HTR1F: variants seen among roughly 807,000 people sequenced by gnomAD.
The protein encoded by HTR1F is 5-hydroxytryptamine (serotonin) receptor 1F, G protein-coupled.
HTR1F carries 17 observed loss-of-function variants against 24.0 expected under a neutral mutation model. The observed-to-expected ratio is 0.71, with a 90% CI of 0.48 to 1.06. HTR1F has a LOEUF of 1.06. Ranked by LOEUF, HTR1F falls within the 50% of genes least tolerant of loss-of-function variation. The pLI is 0.00. For missense variants in HTR1F, 391 were observed against 427.8 expected (o/e 0.91, Z 0.76); for synonymous variants, 186 against 156.8 (o/e 1.19, Z -1.39).
At chr3:87,813,625 G>A (rs1477393604) in intron 1 of HTR1F, among the ~76,000 whole-genome samples, 3 of 152,114 alleles carry the variant, frequency 2.0e-5, no homozygotes, top group Non-Finnish European at 4.4e-5. Context: ...ATATTGTTTG[G>A]CTCTGTGTCC....
At chr3:87,876,736 G>A (rs1333327398) in intron 2 of HTR1F, among the ~76,000 whole-genome samples, 1 of 152,076 alleles carries the variant, frequency 6.6e-6, no homozygotes, top group Non-Finnish European at 1.5e-5. Context: ...AGTTTTTCAA[G>A]GTGAAAATTG....
intron 2 of HTR1F, among the ~76,000 whole-genome samples, chr3:87,851,374 C>A (rs1281372267): frequency 6.6e-6 from 1 of 151,418 alleles, no homozygotes; most frequent in Non-Finnish European, 1.5e-5. Context: ...ATTTTTTTAA[C>A]TACTATTTTT....
chr3:87,922,657 T>C (rs938686969), intron 2 of HTR1F, among the ~76,000 whole-genome samples: 1 of 152,084 alleles, frequency 6.6e-6, no homozygotes, highest in Non-Finnish European at 1.5e-5. Flanking sequence ...CAGTTTTGGG[T>C]CTTACATGTA....
At chr3:87,870,859 G>C (rs562982457) in intron 2 of HTR1F, among the ~76,000 whole-genome samples, 8 of 152,090 alleles carry the variant, frequency 5.3e-5, no homozygotes, top group African/African-American at 1.9e-4. Flanking sequence ...CAGAGAAAAT[G>C]CATGCCCCCA....
chr3:87,969,234 G>C (rs1705234337), intron 2 of HTR1F, among the ~76,000 whole-genome samples: 1 of 152,204 alleles, frequency 6.6e-6, no homozygotes, highest in Admixed American at 6.5e-5. Flanking sequence ...TGTGAAAAGA[G>C]CACCGCTATC....
intron 2 of HTR1F, among the ~76,000 whole-genome samples, chr3:87,870,086 G>A (rs1418907979): frequency 6.6e-6 from 1 of 152,024 alleles, no homozygotes; most frequent in Non-Finnish European, 1.5e-5. Context: ...TATTCTTAAA[G>A]GGGAAGGAAT....
chr3:87,945,179 C>G (rs1704668022), intron 2 of HTR1F, among the ~76,000 whole-genome samples: 1 of 151,880 alleles, frequency 6.6e-6, no homozygotes, highest in South Asian at 2.1e-4. Context: ...AGACTTGGGG[C>G]CCTGGCAAGG....
intron 2 of HTR1F, among the ~76,000 whole-genome samples, chr3:87,889,619 G>C (rs947979229): frequency 1.3e-5 from 2 of 152,090 alleles, no homozygotes; most frequent in African/African-American, 2.4e-5. Flanking sequence ...GCAGTTAAAA[G>C]ATCCTTTGAA....
chr3:87,979,491 C>G (rs1468600970), intron 2 of HTR1F, among the ~76,000 whole-genome samples: 24 of 152,332 alleles, frequency 1.6e-4, no homozygotes, highest in African/African-American at 4.8e-4. Flanking sequence ...AGTTTAGGGA[C>G]TCTGAAAAAT....
intron 1 of HTR1F, among the ~76,000 whole-genome samples, chr3:87,801,452 G>A (rs2107067167): frequency 6.6e-6 from 1 of 152,312 alleles, no homozygotes; most frequent in South Asian, 2.1e-4. Flanking sequence ...AGGAAGTCCT[G>A]ACGACATGTG....
intron 2 of HTR1F, among the ~76,000 whole-genome samples, chr3:87,921,151 T>C (rs147456059): frequency 0.016 from 2,440 of 152,086 alleles, 34 homozygotes; most frequent in Non-Finnish European, 0.018. Context: ...GGGTGAATCA[T>C]TAAAATTCAG....
chr3:87,979,185 C>A (rs1363066279), intron 2 of HTR1F, among the ~76,000 whole-genome samples: 5 of 148,822 alleles, frequency 3.4e-5, no homozygotes, highest in South Asian at 2.1e-4. Flanking sequence ...ACACCCTAAT[C>A]GGCAGTCAGG....
At position 87,991,306 on chromosome 3, in the gene HTR1F, C is replaced by T; in HGVS notation, c.557C>T (p.Thr186Ile). ...CACATTGTTTCCACCATTTACTCAACATTTGGAGCTTTCTACATCCCACTG... is the reference window on the plus strand; with the variant it reads ...CACATTGTTTCCACCATTTACTCAATATTTGGAGCTTTCTACATCCCACTG... ...HDHIVSTIYS[T>I]FGAFYIPLAL... is the part of the protein sequence containing the mutation. The change falls in exon 3 of 3, where the codon ACA becomes ATA. Residue 186 changes from threonine (T) to isoleucine (I), a missense_variant. By Grantham distance (89) the Thr-to-Ile change is moderately conservative. Transcript: ENST00000319595. 6.2e-7 allele frequency: 1 copy of T among 1,613,954 alleles called. No homozygotes were observed. The highest frequency in any genetic ancestry group is 8.5e-7 in the Non-Finnish European group (1 of 1,179,934).
At chr3:87,855,871 A>G (rs1384945743) in intron 2 of HTR1F, among the ~76,000 whole-genome samples, 3 of 152,024 alleles carry the variant, frequency 2.0e-5, no homozygotes, top group Non-Finnish European at 2.9e-5. Context: ...CCCTCTCAGT[A>G]TTAGATTAAC....
chr3:87,897,853 T>C lies in HTR1F; in HGVS notation c.-43+75729T>C, dbSNP rs573974607. On this transcript the variant is annotated intron_variant, in intron 2 of 2. Transcript: ENST00000319595. ...TACCTCCTGTAGGAAATTTTTCTTA[T>C]CTATCTCCAACCAACTTTGGGATGC... Among the ~76,000 whole-genome samples, 5 of 152,292 alleles carry C rather than the reference T, an allele frequency of 3.3e-5. No homozygotes were observed. The East Asian group carries it at 7.7e-4, about 24-fold the overall frequency.
At chr3:87,922,918 T>A (rs1206474845) in intron 2 of HTR1F, among the ~76,000 whole-genome samples, 1 of 151,414 alleles carries the variant, frequency 6.6e-6, no homozygotes, top group African/African-American at 2.4e-5. Flanking sequence ...TACATGTAAG[T>A]CTTCAACCCA....
intron 2 of HTR1F, among the ~76,000 whole-genome samples, chr3:87,970,631 A>T (rs560809561): frequency 2.2e-4 from 34 of 152,342 alleles, no homozygotes; most frequent in African/African-American, 7.9e-4. Context: ...ATTGGAAAAG[A>T]TAAGAGCTCT....
intron 2 of HTR1F, among the ~76,000 whole-genome samples, chr3:87,981,941 CT>C (rs34393539): frequency 2.7e-5 from 4 of 149,168 alleles, no homozygotes; most frequent in African/African-American, 5.0e-5. Context: ...CTTCTTCTTT[CT>C]TTTTTTTTTA....
intron 2 of HTR1F, among the ~76,000 whole-genome samples, chr3:87,979,910 G>A (rs1027957645): frequency 6.6e-6 from 1 of 152,214 alleles, no homozygotes; most frequent in African/African-American, 2.4e-5. Context: ...TCTAAATGAG[G>A]AGAATGCAGT....
Sources: gnomAD v4.1 joint callset for allele counts (sites outside exome capture counted in the v4.1 genomes callset) on GRCh38, gnomAD v4.1.1 for gene constraint, MANE v1.5 for transcripts, NCBI Gene and HGNC (gene_info 2026-07-23, HGNC 2026-07-21) for gene names.